Variants in LRRC39 observed in about 807,000 individuals in gnomAD.
LRRC39 encodes the protein leucine rich repeat containing 39, also known as leucine-rich repeat-containing protein 39.
Under a neutral mutation model 39.7 loss-of-function variants are expected in LRRC39, and 35 were observed. The ratio of observed to expected loss-of-function variants is 0.88; its 90% CI spans 0.67 to 1.17. The LOEUF is 1.17. LRRC39 is among the 50% of genes most tolerant of loss of function. LRRC39 has a pLI of 0.00. For missense variants in LRRC39, 357 were observed against 385.8 expected (o/e 0.93, Z 0.62); for synonymous variants, 113 against 134.1 (o/e 0.84, Z 1.09).
chr1:100,152,321 G>C, intron 9 of LRRC39, 64 bp downstream of exon 9: 1 of 1,430,664 alleles, frequency 7.0e-7, no homozygotes, highest in Non-Finnish European at 9.5e-7. Context: ...AAAGGCAGCA[G>C]TTAGTGATAC....
At chr1:100,168,302 T>C (rs1659380448) in intron 3 of LRRC39, 102 bp downstream of exon 3, 2 of 870,908 alleles carry the variant, frequency 2.3e-6, no homozygotes, top group Admixed American at 3.2e-5. Flanking sequence ...TAAATAAAAT[T>C]CTATATCAAA....
chr1:100,164,841 C>T (rs933814290), intron 3 of LRRC39, among the ~76,000 whole-genome samples: 7 of 151,918 alleles, frequency 4.6e-5, no homozygotes, highest in Admixed American at 2.0e-4. Flanking sequence ...TCCCAAGTAA[C>T]GGGGACTACA....
chr1:100,168,939 T>G (rs1659421533), intron 2 of LRRC39, among the ~76,000 whole-genome samples: 1 of 152,030 alleles, frequency 6.6e-6, no homozygotes, highest in African/African-American at 2.4e-5. Flanking sequence ...TGGAGATTTT[T>G]AAAAAGACTG....
chr1:100,151,359 A>G (rs1007961443), intron 9 of LRRC39, among the ~76,000 whole-genome samples: 9 of 152,118 alleles, frequency 5.9e-5, no homozygotes, highest in Middle Eastern at 3.4e-3. Context: ...GCTTTCCAAA[A>G]CTAGGTCACA....
At chr1:100,160,916 G>A (rs1336327047) in intron 3 of LRRC39, among the ~76,000 whole-genome samples, 2 of 151,864 alleles carry the variant, frequency 1.3e-5, no homozygotes, top group African/African-American at 2.4e-5. Flanking sequence ...AAGCCACTGC[G>A]CCCAGCCACT....
At chr1:100,149,183 T>G in intron 9 of LRRC39, 86 bp from the exon 10 acceptor site, 1 of 1,523,392 alleles carries the variant, frequency 6.6e-7, no homozygotes, top group South Asian at 1.3e-5. Context: ...TGATTTTATT[T>G]AATATTTTTT....
chr1:100,163,365 G>A (rs1659018688), intron 3 of LRRC39, among the ~76,000 whole-genome samples: 1 of 152,036 alleles, frequency 6.6e-6, no homozygotes, highest in African/African-American at 2.4e-5. Context: ...CTGAGTTCAC[G>A]GTCAGGCTAT....
At chr1:100,168,906 A>G (rs1557928751) in intron 2 of LRRC39, among the ~76,000 whole-genome samples, 1 of 152,138 alleles carries the variant, frequency 6.6e-6, no homozygotes, top group East Asian at 1.9e-4. Context: ...TTCATGTCCA[A>G]TTATAGGAAA....
chr1:100,165,932 T>A (rs1313799941), intron 3 of LRRC39, among the ~76,000 whole-genome samples: 1 of 148,238 alleles, frequency 6.7e-6, no homozygotes, highest in Non-Finnish European at 1.5e-5. Flanking sequence ...TGGAGTGCAA[T>A]GGTGCAATCT....
At chr1:100,178,020 G>C (rs544538056) in intron 1 of LRRC39, 115 bp downstream of exon 1, 1 of 152,310 alleles carries the variant, frequency 6.6e-6, no homozygotes, top group Admixed American at 6.5e-5. Context: ...ATTCCAGTTT[G>C]TTTGGACATT....
intron 3 of LRRC39, among the ~76,000 whole-genome samples, chr1:100,165,305 A>G (rs1442688609): frequency 6.6e-6 from 1 of 152,198 alleles, no homozygotes; most frequent in African/African-American, 2.4e-5. Context: ...GATGCCAAAA[A>G]AGAACAAGCA....
Position 100,149,452 on chromosome 1 carries a change from AAG to A in LRRC39, c.953-357_953-356del, listed in dbSNP as rs1253997434. The A allele has an allele frequency of 2.6e-6, 4 of 1,536,252 alleles. No individual in the cohort carries two copies. The South Asian group carries it at 5.0e-5, about 19-fold the overall frequency. On this transcript the variant is annotated intron_variant, in intron 9 of 9. Transcript: ENST00000370137. ...ACTGAAGAGCTGTTTTCAAAGAAAA[AAG>A]ATTATTTCACTTAATTATTTTGTTG...
chr1:100,163,633 A>G (rs1373649237), intron 3 of LRRC39, among the ~76,000 whole-genome samples: 3 of 150,434 alleles, frequency 2.0e-5, no homozygotes, highest in Non-Finnish European at 4.4e-5. Flanking sequence ...GGCTGTCTCC[A>G]TGTTGCCCAG....
upstream of LRRC39, among the ~76,000 whole-genome samples, chr1:100,179,499 CAAAAA>C (rs60588308): frequency 2.0e-4 from 9 of 45,618 alleles, no homozygotes; most frequent in Admixed American, 8.2e-4. Context: ...CTGTATCTAC[CAAAAA>C]AAAAAAAAAA....
intron 7 of LRRC39, among the ~76,000 whole-genome samples, chr1:100,155,477 T>C (rs1316257884): frequency 6.6e-6 from 1 of 152,232 alleles, no homozygotes; most frequent in African/African-American, 2.4e-5. Flanking sequence ...GACATCACAT[T>C]ACCTGGTTAT....
intron 1 of LRRC39, 149 bp downstream of exon 1, chr1:100,177,986 C>T (rs1383213660): frequency 6.6e-6 from 1 of 152,068 alleles, no homozygotes; most frequent in Non-Finnish European, 1.5e-5. Flanking sequence ...CCATGAACAC[C>T]CCGCAAAAAA....
chr1:100,167,780 ATAATAATAATAAT>A (rs1407138306), intron 3 of LRRC39, among the ~76,000 whole-genome samples: 1 of 9,286 alleles, frequency 1.1e-4, no homozygotes, highest in African/African-American at 6.1e-4. Flanking sequence ...CATTTCAAAA[ATAATAATAATAAT>A]AATAATAATA....
At chr1:100,149,840 C>T (rs2101754252) in intron 9 of LRRC39, 1 of 156,182 alleles carries the variant, frequency 6.4e-6, no homozygotes, top group Non-Finnish European at 1.4e-5. Flanking sequence ...GGTACATTTG[C>T]CAAGACAAAG....
intron 7 of LRRC39, 135 bp downstream of exon 7, chr1:100,156,037 G>A: frequency 1.3e-6 from 1 of 791,382 alleles, no homozygotes; most frequent in South Asian, 2.6e-5. Flanking sequence ...AAAATATTCT[G>A]TTAAAACAGT....
Sources: allele counts gnomAD v4.1 joint callset (sites outside exome capture counted in the v4.1 genomes callset), GRCh38; gene constraint gnomAD v4.1.1; transcripts MANE v1.5; gene names NCBI Gene and HGNC (gene_info 2026-07-23, HGNC 2026-07-21).